KCNN2: variants seen among roughly 807,000 people sequenced by gnomAD.
The protein encoded by KCNN2 is potassium calcium-activated channel subfamily N member 2, also known as small conductance calcium-activated potassium channel protein 2.
In KCNN2, 24 loss-of-function variants were observed where a neutral mutation model predicts 55.5. The observed-to-expected ratio is 0.43, with a 90% confidence interval of 0.31 to 0.61. The LOEUF (loss-of-function observed/expected upper bound fraction) is 0.61. KCNN2 is among the 20% of genes least tolerant of loss of function. The probability of loss-of-function intolerance (pLI) is 0.08; values close to 1 mark genes in which losing one functional copy is unlikely to be tolerated. For missense variants in KCNN2, 754 were observed against 853.6 expected, an observed-to-expected ratio of 0.88 and a Z score of 1.45; for synonymous variants, 431 against 336.1, an observed-to-expected ratio of 1.28 and a Z score of -3.09.
At chr5:114,094,107 TG>T (rs1023576347) in intron 1 of KCNN2, among the ~76,000 whole-genome samples, 8 of 152,330 alleles carry the variant, frequency 5.3e-5, no homozygotes, top group African/African-American at 1.9e-4. Context: ...TTGCTTTTTT[TG>T]TTTTGCCTTA....
intron 2 of KCNN2, among the ~76,000 whole-genome samples, chr5:114,223,585 C>T (rs1444008229): frequency 1.3e-5 from 2 of 152,046 alleles, no homozygotes; most frequent in Non-Finnish European, 2.9e-5. Context: ...TCCAGTTAGG[C>T]GATAGAAATC....
intron 1 of KCNN2, among the ~76,000 whole-genome samples, chr5:114,077,201 C>A (rs1750701177): frequency 6.6e-6 from 1 of 152,206 alleles, no homozygotes; most frequent in East Asian, 1.9e-4. Context: ...TAAGCATTCT[C>A]TTCTCCCAGG....
At chr5:114,215,372 C>T (rs1053611017) in intron 1 of KCNN2, among the ~76,000 whole-genome samples, 15 of 152,024 alleles carry the variant, frequency 9.9e-5, no homozygotes, top group African/African-American at 3.6e-4. Flanking sequence ...AGTAAGAAAC[C>T]AGTAGCTAGA....
At chr5:114,483,269 C>G (rs940214138) in intron 5 of KCNN2, among the ~76,000 whole-genome samples, 1 of 111,412 alleles carries the variant, frequency 9.0e-6, no homozygotes, top group Non-Finnish European at 1.7e-5. Context: ...GTGTTTCTTT[C>G]TTTCTTTTTT....
At chr5:114,141,695 G>T (rs1392045724) in intron 1 of KCNN2, among the ~76,000 whole-genome samples, 1 of 152,130 alleles carries the variant, frequency 6.6e-6, no homozygotes, top group Admixed American at 6.5e-5. Flanking sequence ...AGATCCCTGA[G>T]GATTCGCCAC....
intron 1 of KCNN2, among the ~76,000 whole-genome samples, chr5:114,073,641 C>T (rs1750622605): frequency 6.6e-6 from 1 of 152,190 alleles, no homozygotes; most frequent in African/African-American, 2.4e-5. Context: ...CACATGTCAG[C>T]TTAACATCAC....
At chr5:114,057,168 T>G (rs1457553965) in intron 1 of KCNN2, 1 of 152,200 alleles carries the variant, frequency 6.6e-6, no homozygotes, top group Non-Finnish European at 1.5e-5. Flanking sequence ...CTCACTAGGT[T>G]CAGGTTGGTT....
chr5:114,116,478 G>C (rs558139288), intron 1 of KCNN2, among the ~76,000 whole-genome samples: 4 of 152,142 alleles, frequency 2.6e-5, no homozygotes, highest in Admixed American at 6.5e-5. Flanking sequence ...CAGGATTAGG[G>C]TGATATTTTC....
intron 1 of KCNN2, among the ~76,000 whole-genome samples, chr5:114,363,594 C>T (rs1462143477): frequency 3.9e-5 from 6 of 152,326 alleles, no homozygotes; most frequent in African/African-American, 1.4e-4. Flanking sequence ...TCAACCCGCT[C>T]TCTTGAACTC....
At chr5:114,321,376 G>A (rs1561570214) in intron 2 of KCNN2, among the ~76,000 whole-genome samples, 1 of 152,070 alleles carries the variant, frequency 6.6e-6, no homozygotes, top group Non-Finnish European at 1.5e-5. Context: ...TAGCAGCATG[G>A]GGCAGGTCTA....
intron 1 of KCNN2, among the ~76,000 whole-genome samples, chr5:114,112,552 T>G (rs965477416): frequency 2.0e-5 from 3 of 152,110 alleles, no homozygotes; most frequent in East Asian, 3.9e-4. Flanking sequence ...CAATTTTATT[T>G]TTTTCACCAA....
upstream of KCNN2, among the ~76,000 whole-genome samples, chr5:114,359,434 G>C (rs1443173042): frequency 6.6e-6 from 1 of 152,108 alleles, no homozygotes; most frequent in African/African-American, 2.4e-5. Flanking sequence ...CCATATTACA[G>C]CATAGAGATA....
intron 2 of KCNN2, among the ~76,000 whole-genome samples, chr5:114,400,441 C>A (rs1758753396): frequency 6.6e-6 from 1 of 152,152 alleles, no homozygotes; most frequent in African/African-American, 2.4e-5. Context: ...CACAACTGCC[C>A]CTCTTCACCC....
intron 1 of KCNN2, among the ~76,000 whole-genome samples, chr5:114,204,118 C>T (rs567706659): frequency 8.6e-5 from 13 of 152,036 alleles, no homozygotes; most frequent in East Asian, 1.9e-4. Flanking sequence ...ATGAAGTTTC[C>T]GGACTCAGTG....
chr5:114,376,551 T>C (rs1164511881), intron 2 of KCNN2, among the ~76,000 whole-genome samples: 1 of 152,220 alleles, frequency 6.6e-6, no homozygotes, highest in Non-Finnish European at 1.5e-5. Context: ...TGAGAAACGA[T>C]AGGCTCAGAT....
At chr5:114,294,806 C>G (rs536294688) in intron 2 of KCNN2, among the ~76,000 whole-genome samples, 1 of 152,142 alleles carries the variant, frequency 6.6e-6, no homozygotes, top group South Asian at 2.1e-4. Flanking sequence ...TAAAGTCTCC[C>G]ATTATTGTTG....
chr5:114,456,405 A>G (rs1368539125), intron 3 of KCNN2, among the ~76,000 whole-genome samples: 5 of 152,202 alleles, frequency 3.3e-5, no homozygotes, highest in Admixed American at 6.5e-5. Context: ...AACAAACAAA[A>G]AAAGACTTCT....
At chr5:114,419,788 A>C (rs1759420166) in intron 3 of KCNN2, among the ~76,000 whole-genome samples, 1 of 152,206 alleles carries the variant, frequency 6.6e-6, no homozygotes, top group Non-Finnish European at 1.5e-5. Flanking sequence ...CAAGGAATTC[A>C]AGACCAGCCT....
intron 2 of KCNN2, among the ~76,000 whole-genome samples, chr5:114,351,348 G>A (rs1343092093): frequency 1.3e-5 from 2 of 151,766 alleles, no homozygotes; most frequent in East Asian, 3.9e-4. Flanking sequence ...GCATTTTAGT[G>A]AATTCCTTAA....
Sources: allele counts gnomAD v4.1 joint callset (sites outside exome capture counted in the v4.1 genomes callset), GRCh38; gene constraint gnomAD v4.1.1; transcripts MANE v1.5; gene names NCBI Gene and HGNC (gene_info 2026-07-23, HGNC 2026-07-21).